Variants in APPL1 observed in about 807,000 individuals in gnomAD.
The protein encoded by APPL1 is DCC-interacting protein 13-alpha.
APPL1 carries 42 observed loss-of-function variants against 106.8 expected under a neutral mutation model. That is an observed-to-expected ratio of 0.39 (90% CI 0.31 to 0.51). The LOEUF is 0.51. Ranked by LOEUF, APPL1 falls within the 20% of genes least tolerant of loss-of-function variation. APPL1 has a pLI of 0.75. For synonymous variants in APPL1, 263 were observed against 281.8 expected, an observed-to-expected ratio of 0.93 and a Z score of 0.67; for missense variants, 769 against 858.2, an observed-to-expected ratio of 0.90 and a Z score of 1.30.
At chr3:57,231,200 G>A (rs890639131) in intron 1 of APPL1, among the ~76,000 whole-genome samples, 2 of 151,600 alleles carry the variant, frequency 1.3e-5, no homozygotes, top group African/African-American at 2.4e-5. Flanking sequence ...TTAGCCGGGC[G>A]TGGTGGTGGA....
chr3:57,261,814 G>A (rs1031864470), intron 19 of APPL1, among the ~76,000 whole-genome samples: 9 of 152,000 alleles, frequency 5.9e-5, no homozygotes, highest in Non-Finnish European at 7.4e-5. Context: ...CACCATACCC[G>A]GTCTATTTTT....
chr3:57,267,754 G>A lies in APPL1; in HGVS notation c.1855G>A (p.Val619Ile), dbSNP rs199932677. Residue 619 changes from valine (V) to isoleucine (I), a missense_variant, in exon 20 of 22, where the codon GTT becomes ATT. Coordinates refer to ENST00000288266, the MANE Select transcript of APPL1 (RefSeq NM_012096.3). Reference protein sequence around the residue: ...NNEGEKICDSVGLAKQIALHA... With the variant: ...NNEGEKICDSIGLAKQIALHA... The stretch of plus-strand genomic sequence containing the variant: ...TTTCTCTTTTTAGATATGTGATTCT[G>A]TTGGACTGGCAAAACAGATAGCTTT... 6.2e-7 allele frequency: 1 copy of A among 1,613,864 alleles called. No homozygotes were observed.
At chr3:57,240,374 A>G in intron 4 of APPL1, 91 bp from the exon 5 acceptor site, 1 of 978,482 alleles carries the variant, frequency 1.0e-6, no homozygotes, top group Non-Finnish European at 1.6e-6. Context: ...AATATATCAG[A>G]ACCATTTTTA....
chr3:57,250,107 T>G (rs142565475), intron 11 of APPL1, among the ~76,000 whole-genome samples: 16 of 152,330 alleles, frequency 1.1e-4, no homozygotes, highest in African/African-American at 3.8e-4. Context: ...ATCAGATTAT[T>G]TTTCCATTAA....
intron 19 of APPL1, among the ~76,000 whole-genome samples, chr3:57,266,224 G>A (rs1412266574): frequency 1.3e-5 from 2 of 152,184 alleles, no homozygotes; most frequent in Admixed American, 1.3e-4. Context: ...GAGTTTGGAA[G>A]TATTCCCTTC....
chr3:57,249,447 A>G lies in APPL1; in HGVS notation c.951A>G (p.Val317=). The change falls in exon 11 of 22, where the codon GTA becomes GTG. Residue 317 remains valine (V), a synonymous_variant. Transcript: ENST00000288266. ...GNLMSQARGD[V]AGGLAMDIDN... ...TAATGAGTCAGGCCCGTGGGGATGT[A>G]GCAGGAGGCCTGGCCATGGACATAG... 1 of 1,614,200 alleles carries G rather than the reference A, an allele frequency of 6.2e-7. No individual in the cohort carries two copies. Among genetic ancestry groups the G allele is most frequent in the Non-Finnish European group, 8.5e-7 (1 of 1,180,024 alleles).
chr3:57,267,725 A>G lies in APPL1; in HGVS notation c.1843-17A>G, dbSNP rs1288464473. The G allele has an allele frequency of 7.4e-6, 12 of 1,612,910 alleles. No individual in the cohort carries two copies. Among genetic ancestry groups the G allele is most frequent in the African/African-American group, 2.7e-5 (2 of 74,888 alleles). On this transcript the variant is annotated splice_polypyrimidine_tract_variant and intron_variant, in intron 19 of 21. Transcript: ENST00000288266. ...TGTGAGAACTGCCTGAATTTTTCAT[A>G]CTTTTTCTCTTTTTAGATATGTGAT... is the stretch of plus-strand genomic sequence containing the variant.
chr3:57,247,225 GGCTCCCTGT>G (rs2060778626), intron 8 of APPL1, among the ~76,000 whole-genome samples, 161 bp from the exon 9 acceptor site: 1 of 152,140 alleles, frequency 6.6e-6, no homozygotes, highest in Admixed American at 6.5e-5. Flanking sequence ...CTTCCTTAAT[GGCTCCCTGT>G]GCAGTAGAAG....
Position 57,238,120 on chromosome 3 carries a change from A to T in APPL1, c.285+4A>T. ...GTTTTCAAAAGTTATAGATGAGGTA[A>T]ACGTTTATTTTATTTTGCTTGATTA... On this transcript the variant is annotated splice_donor_region_variant and intron_variant, in intron 4 of 21. Transcript: ENST00000288266. 6.2e-7 allele frequency: 1 copy of T among 1,602,350 alleles called. No individual in the cohort carries two copies. Among genetic ancestry groups the T allele is most frequent in the Non-Finnish European group, 8.5e-7 (1 of 1,173,622 alleles).
rs1317695458 is a variant in APPL1, at chr3:57,273,216, AATTG to A, written c.*3533_*3536del. The stretch of plus-strand genomic sequence containing the variant: ...ATTTGGTGATTTTGTAATGTAAGTG[AATTG>A]ATTCTTATTTCACTGATACTATTAA... On this transcript the variant is annotated 3_prime_UTR_variant, in exon 22 of 22. Coordinates refer to ENST00000288266, the MANE Select transcript of APPL1 (RefSeq NM_012096.3). 1 of 152,630 alleles carries A rather than the reference AATTG, an allele frequency of 6.6e-6. No homozygotes were observed. Among genetic ancestry groups the A allele is most frequent in the African/African-American group, 2.4e-5 (1 of 41,466 alleles). The allele number at this position is 152,630 out of a possible 1,614,324, so 9.5% of individuals were successfully genotyped here. A position where few individuals can be genotyped will look rare whatever the true frequency, so the allele number is the denominator to read the frequency against.
chr3:57,245,825 A>G (rs1217356613), intron 7 of APPL1, among the ~76,000 whole-genome samples: 1 of 152,122 alleles, frequency 6.6e-6, no homozygotes, highest in Non-Finnish European at 1.5e-5. Context: ...GATTACAGGC[A>G]TGAGCCACCA....
rs1322248489 is a variant in APPL1 at position 57,269,529 on chromosome 3, C to T, written c.1984-12C>T. 1.2e-6 allele frequency: 2 copies of T among 1,606,888 alleles called. No homozygotes were observed. Among genetic ancestry groups the T allele is most frequent in the African/African-American group, 1.3e-5 (1 of 74,516 alleles). On this transcript the variant is annotated splice_polypyrimidine_tract_variant and intron_variant, in intron 21 of 21. Transcript: ENST00000288266. ...ACAAGTAACTTAGTTTCTTTTTTGT[C>T]TTTTCCACTAGGACTTGGAAGAACA... is the stretch of plus-strand genomic sequence containing the variant.
intron 1 of APPL1, among the ~76,000 whole-genome samples, chr3:57,229,770 A>G (rs1419163688): frequency 7.3e-6 from 1 of 137,218 alleles, no homozygotes; most frequent in Non-Finnish European, 1.5e-5. Context: ...CTGGAGTGCA[A>G]TGTTGCAATC....
intron 21 of APPL1, 169 bp downstream of exon 21, chr3:57,268,656 T>C: frequency 1.6e-6 from 1 of 612,252 alleles, no homozygotes; most frequent in Non-Finnish European, 2.5e-6. Flanking sequence ...TGTTTTTTGA[T>C]ATGATGTTTA....
At chr3:57,230,997 A>G (rs1343519777) in intron 1 of APPL1, among the ~76,000 whole-genome samples, 2 of 151,126 alleles carry the variant, frequency 1.3e-5, no homozygotes, top group African/African-American at 4.9e-5. Context: ...TCCCGGGTTC[A>G]AGTGATTCTG....
intron 1 of APPL1, among the ~76,000 whole-genome samples, chr3:57,231,338 C>CA (rs71088043): frequency 0.37 from 26,883 of 72,298 alleles, 5,498 homozygotes; most frequent in East Asian, 0.81. Context: ...GACTCCGTCT[C>CA]AAAAAAAAAA....
At chr3:57,268,898 C>T (rs1332357115) in intron 21 of APPL1, 1 of 152,394 alleles carries the variant, frequency 6.6e-6, no homozygotes, top group African/African-American at 2.4e-5. Flanking sequence ...AATCATTGTC[C>T]ATCCAACAGA....
rs757316072 is a variant in APPL1 at position 57,256,940 on chromosome 3, T to TA, written c.1153-10dup. The TA allele has an allele frequency of 1.2e-6, 2 of 1,611,292 alleles. No homozygotes were observed. The highest frequency in any genetic ancestry group is 1.7e-5 in the Admixed American group (1 of 59,720). ...TACTTTACTAATATTAGTCCTTTTT[T>TA]AAAAAAATTGAAATAGGAAACTGCT... On this transcript the variant is annotated splice_polypyrimidine_tract_variant and intron_variant, in intron 13 of 21. Transcript: ENST00000288266.
rs58545263 is a variant in APPL1, at chr3:57,249,970, T to TG, written c.1052+431dup. ...CATTTTTCTTCATGTAAAATGTGAA[T>TG]GGGGGGGGGTTGTAATCCCTATCGT... On this transcript the variant is annotated intron_variant, in intron 11 of 21. Coordinates refer to ENST00000288266, the MANE Select transcript of APPL1 (RefSeq NM_012096.3). 1.5e-3 allele frequency among the ~76,000 whole-genome samples: 223 copies of TG among 151,450 alleles called. 1 individual carries two copies. The highest frequency in any genetic ancestry group is 2.2e-3 in the African/African-American group (89 of 41,254).
Sources: gnomAD v4.1 joint callset for allele counts (sites outside exome capture counted in the v4.1 genomes callset) on GRCh38, gnomAD v4.1.1 for gene constraint, MANE v1.5 for transcripts, NCBI Gene and HGNC (gene_info 2026-07-23, HGNC 2026-07-21) for gene names.